The following NPAS3 variants were observed in gnomAD, a reference collection of about 807,000 sequenced individuals.
NPAS3 encodes neuronal PAS domain protein 3, also known as neuronal PAS domain-containing protein 3.
In NPAS3, 14 loss-of-function variants were observed where a neutral mutation model predicts 73.1. That is an observed-to-expected ratio of 0.19 (90% CI 0.13 to 0.30). The LOEUF is 0.30. Ranked by LOEUF, NPAS3 falls within the 10% of genes least tolerant of loss-of-function variation. The pLI is 1.00. For synonymous variants in NPAS3, 620 were observed against 541.5 expected (o/e 1.14, Z -2.01); for missense variants, 1,096 against 1,250.0 (o/e 0.88, Z 1.86).
intron 2 of NPAS3, among the ~76,000 whole-genome samples, chr14:33,126,760 T>C (rs1176328555): frequency 2.0e-5 from 3 of 152,076 alleles, no homozygotes; most frequent in Non-Finnish European, 4.4e-5. Flanking sequence ...GTAACAAGCA[T>C]GTACAGAACA....
intron 2 of NPAS3, among the ~76,000 whole-genome samples, chr14:33,160,606 G>A (rs1160790445): frequency 1.3e-5 from 2 of 149,598 alleles, no homozygotes; most frequent in Non-Finnish European, 3.0e-5. Context: ...AAACCTGCAC[G>A]TTGTGCACAT....
chr14:33,622,933 A>G (rs1433339245), intron 5 of NPAS3, among the ~76,000 whole-genome samples: 1 of 152,204 alleles, frequency 6.6e-6, no homozygotes, highest in Non-Finnish European at 1.5e-5. Context: ...AGGGCTTGGA[A>G]GTGGGATCGT....
chr14:33,169,874 TG>T (rs1233234635), intron 2 of NPAS3, among the ~76,000 whole-genome samples: 1 of 152,208 alleles, frequency 6.6e-6, no homozygotes, highest in East Asian at 1.9e-4. Context: ...TATGAGACCT[TG>T]TCGGTACCTG....
chr14:33,053,071 T>C (rs1198973777), intron 1 of NPAS3, among the ~76,000 whole-genome samples: 1 of 152,206 alleles, frequency 6.6e-6, no homozygotes, highest in African/African-American at 2.4e-5. Flanking sequence ...ACAGGTGTAA[T>C]TGTTAAGGCG....
At chr14:33,523,515 C>T (rs2053653479) in intron 4 of NPAS3, among the ~76,000 whole-genome samples, 1 of 149,034 alleles carries the variant, frequency 6.7e-6, no homozygotes, top group South Asian at 2.1e-4. Flanking sequence ...GTAATCCCAG[C>T]ACTTTGGGAG....
chr14:33,443,541 G>A (rs2049345792), intron 4 of NPAS3, among the ~76,000 whole-genome samples: 1 of 152,176 alleles, frequency 6.6e-6, no homozygotes, highest in African/African-American at 2.4e-5. Flanking sequence ...CATGCCTGGA[G>A]GTGCTCACCC....
chr14:33,646,439 G>A (rs556836729), intron 5 of NPAS3, among the ~76,000 whole-genome samples: 63 of 152,130 alleles, frequency 4.1e-4, no homozygotes, highest in African/African-American at 1.2e-3. Context: ...GGATGTCTGC[G>A]TAGATGACTG....
intron 4 of NPAS3, among the ~76,000 whole-genome samples, chr14:33,473,376 G>A (rs2050875337): frequency 6.6e-6 from 1 of 152,194 alleles, no homozygotes; most frequent in Admixed American, 6.5e-5. Context: ...AAAGATGCTG[G>A]AGGAAAGAAG....
intron 4 of NPAS3, among the ~76,000 whole-genome samples, chr14:33,369,514 AG>A (rs749530768): frequency 3.3e-5 from 5 of 151,988 alleles, no homozygotes; most frequent in Non-Finnish European, 5.9e-5. Flanking sequence ...TGTCCATACA[AG>A]AAAACTCCTA....
chr14:33,382,976 A>G (rs1375234041), intron 4 of NPAS3, among the ~76,000 whole-genome samples: 2 of 151,308 alleles, frequency 1.3e-5, no homozygotes, highest in African/African-American at 4.9e-5. Context: ...AGTACTAGCT[A>G]CTTTGGAGGC....
chr14:33,308,496 G>C (rs896017450), intron 3 of NPAS3, among the ~76,000 whole-genome samples: 34 of 121,494 alleles, frequency 2.8e-4, no homozygotes, highest in African/African-American at 1.1e-3. Context: ...TTTCTAAAGG[G>C]ACTATTGCAT....
At chr14:33,218,456 A>G (rs1369541108) in intron 3 of NPAS3, among the ~76,000 whole-genome samples, 1 of 152,212 alleles carries the variant, frequency 6.6e-6, no homozygotes, top group Admixed American at 6.5e-5. Context: ...TCATAAAACA[A>G]TAACATCAAA....
intron 6 of NPAS3, among the ~76,000 whole-genome samples, chr14:33,710,249 A>G (rs2060779970): frequency 6.6e-6 from 1 of 152,206 alleles, no homozygotes; most frequent in Admixed American, 6.5e-5. Context: ...ATCAGAACAC[A>G]GAGACATCCG....
intron 2 of NPAS3, among the ~76,000 whole-genome samples, chr14:33,136,875 G>T (rs1595526330): frequency 6.6e-6 from 1 of 152,320 alleles, no homozygotes; most frequent in East Asian, 1.9e-4. Context: ...GAAGAAGGCA[G>T]TTTTAATTCA....
chr14:33,325,632 T>C (rs2043665699), intron 3 of NPAS3, among the ~76,000 whole-genome samples: 1 of 138,400 alleles, frequency 7.2e-6, no homozygotes, highest in Non-Finnish European at 1.5e-5. Flanking sequence ...AGGGTGAGAC[T>C]CCGTCTCAAA....
At chr14:33,187,211 G>A (rs779570161) in intron 2 of NPAS3, among the ~76,000 whole-genome samples, 17 of 152,088 alleles carry the variant, frequency 1.1e-4, no homozygotes, top group Non-Finnish European at 2.1e-4. Context: ...CTTGCCTGTG[G>A]CCACTTTTCC....
intron 7 of NPAS3, among the ~76,000 whole-genome samples, chr14:33,764,474 T>C (rs994557702): frequency 2.0e-5 from 3 of 152,190 alleles, no homozygotes. Context: ...AATAAGAGCT[T>C]GGGGGTTCTA....
At chr14:33,478,344 A>G (rs1268544675) in intron 4 of NPAS3, among the ~76,000 whole-genome samples, 1 of 152,200 alleles carries the variant, frequency 6.6e-6, no homozygotes, top group Non-Finnish European at 1.5e-5. Flanking sequence ...ATAAAATGCT[A>G]CAATGCAGAG....
At chr14:33,585,461 C>T (rs548516374) in intron 5 of NPAS3, among the ~76,000 whole-genome samples, 2 of 152,270 alleles carry the variant, frequency 1.3e-5, no homozygotes, top group East Asian at 1.9e-4. Context: ...CATTTTCACG[C>T]TTCATTTTTC....
Sources: allele counts gnomAD v4.1 joint callset (sites outside exome capture counted in the v4.1 genomes callset), GRCh38; gene constraint gnomAD v4.1.1; transcripts MANE v1.5; gene names NCBI Gene and HGNC (gene_info 2026-07-23, HGNC 2026-07-21).